SACS: variants seen among roughly 807,000 people sequenced by gnomAD.
The protein encoded by SACS is sacsin.
Under a neutral mutation model 348.0 loss-of-function variants are expected in SACS, and 197 were observed. The ratio of observed to expected loss-of-function variants is 0.57; its 90% confidence interval spans 0.50 to 0.64. SACS has a LOEUF of 0.64. SACS is among the 30% of genes least tolerant of loss of function. The probability of loss-of-function intolerance (pLI) is 0.00; values close to 1 mark genes in which losing one functional copy is unlikely to be tolerated. For synonymous variants in SACS, 1,985 were observed against 1,910.6 expected, an observed-to-expected ratio of 1.04 and a Z score of -1.02; for missense variants, 4,999 against 5,360.8, an observed-to-expected ratio of 0.93 and a Z score of 2.11.
In SACS at chr13:23,338,279, T is replaced by G; in HGVS notation, c.5597A>C (p.His1866Pro). The G allele has an allele frequency of 6.2e-7, 1 of 1,614,160 alleles. No individual in the cohort carries two copies. The highest frequency in any genetic ancestry group is 8.5e-7 in the Non-Finnish European group (1 of 1,180,004). Residue 1866 changes from histidine to proline, a missense_variant, in exon 10 of 10, where the codon CAC (histidine) becomes CCC (proline). Around this residue, in one of 6 missense-constraint regions of SACS, gnomAD observed 3,156 missense variants for 3,380.1 expected, o/e 0.93. Transcript: ENST00000382292. ...TAAATAGCAAAACACCTCTCCAATG[T>G]GTGGTTTCACTGTCCACTTCTGGTC... ...IQDQKWTVKP[H>P]IGEVFCYLPL...
chr13:23,407,511 T>C lies in SACS; in HGVS notation c.20+3709A>G, dbSNP rs1297286715. Among the ~76,000 whole-genome samples, 6 of 152,128 alleles carry C rather than the reference T, an allele frequency of 3.9e-5. No homozygotes were observed. In the South Asian group the frequency reaches 1.2e-3, roughly 32 times the overall value. ...ACCACGCCCGGCCTGTTTTTCTTTT[T>C]GTTTTTCATAAATGTCTGACTTATT... On this transcript the variant is annotated intron_variant, in intron 2 of 9. Transcript: ENST00000382292.
intron 2 of SACS, among the ~76,000 whole-genome samples, chr13:23,403,700 G>A (rs539146889): frequency 6.6e-6 from 1 of 152,196 alleles, no homozygotes; most frequent in South Asian, 2.1e-4. Flanking sequence ...AACAGGTCCT[G>A]GATTCCTTGA....
intron 2 of SACS, among the ~76,000 whole-genome samples, chr13:23,393,304 A>G (rs1349404832): frequency 6.6e-6 from 1 of 152,144 alleles, no homozygotes; most frequent in Non-Finnish European, 1.5e-5. Context: ...GTAAATATTC[A>G]CTGACTTTAT....
At chr13:23,352,775 AG>A (rs1382053301) in intron 9 of SACS, among the ~76,000 whole-genome samples, 1 of 152,238 alleles carries the variant, frequency 6.6e-6, no homozygotes, top group African/African-American at 2.4e-5. Context: ...TTGAAAAGTC[AG>A]TCTCACAGCT....
intron 2 of SACS, among the ~76,000 whole-genome samples, chr13:23,405,220 C>G (rs935508581): frequency 6.6e-6 from 1 of 152,080 alleles, no homozygotes; most frequent in African/African-American, 2.4e-5. Context: ...GATATATAAA[C>G]CAGTGGAACA....
At position 23,340,734 on chromosome 13, in the gene SACS, C is replaced by T. The variant is rs767476699; in HGVS notation, c.3142G>A (p.Val1048Ile). Reference sequence around the variant, plus strand: ...GGGTCAAAGAGTTCACCAGCTGATACCATCTGTTCCTGTGATATCTGGATG... The same window carrying T: ...GGGTCAAAGAGTTCACCAGCTGATATCATCTGTTCCTGTGATATCTGGATG... ...KFIQISQEQM[V>I]SAGELFDPDI... is the part of the protein sequence containing the mutation. The change falls in exon 10 of 10, where the codon GTA (valine) becomes ATA (isoleucine). Residue 1048 changes from valine (V) to isoleucine (I), a missense_variant. Transcript: ENST00000382292. The T allele has an allele frequency of 1.5e-5, 24 of 1,600,832 alleles. No homozygotes were observed. The highest frequency in any genetic ancestry group is 1.9e-5 in the Non-Finnish European group (22 of 1,174,782).
rs780904104 is a variant in SACS at position 23,332,221 on chromosome 13, G to A, written c.11655C>T (p.Phe3885=). The change falls in exon 10 of 10, where the codon TTC becomes TTT. Residue 3885 remains phenylalanine, a synonymous_variant. Coordinates refer to ENST00000382292, the MANE Select transcript of SACS (RefSeq NM_014363.6). ...TGACTGAATCATTCTGTAGACTCCT[G>A]AACAGACCAGAAACTACTCTCTTAA... is the stretch of plus-strand genomic sequence containing the variant. The part of the protein sequence containing the change: ...RTVKRVVSGL[F]RSLQNDSVKV... 14 of 1,613,808 alleles carry A rather than the reference G, an allele frequency of 8.7e-6. No individual in the cohort carries two copies. The African/African-American group carries it at 1.9e-4, about 22-fold the overall frequency.
At chr13:23,406,448 C>T (rs2137945706) in intron 2 of SACS, among the ~76,000 whole-genome samples, 1 of 152,162 alleles carries the variant, frequency 6.6e-6, no homozygotes, top group Admixed American at 6.5e-5. Flanking sequence ...TTGATGGGTG[C>T]AGCAAACCAC....
rs112775941 is a variant in SACS at position 23,404,601 on chromosome 13, G to T, written c.20+6619C>A. Among the ~76,000 whole-genome samples the T allele has an allele frequency of 1.6e-3, 248 of 152,140 alleles. 2 individuals are homozygous for T. The highest frequency in any genetic ancestry group is 5.8e-3 in the African/African-American group (239 of 41,492). ...AATCAGGCAAGAGAAAGAAATAAAG[G>T]GTATTCAAATAGGAAGATAGGAAGT... On this transcript the variant is annotated intron_variant, in intron 2 of 9. Coordinates refer to ENST00000382292, the MANE Select transcript of SACS (RefSeq NM_014363.6).
intron 2 of SACS, 134 bp from the exon 3 acceptor site, chr13:23,375,403 G>A (rs912445915): frequency 2.0e-5 from 25 of 1,232,674 alleles, no homozygotes; most frequent in Non-Finnish European, 2.5e-5. Flanking sequence ...CCCTGACGCC[G>A]GCGCCCGATC....
chr13:23,378,365 G>C (rs781611813), intron 2 of SACS, among the ~76,000 whole-genome samples: 1 of 152,172 alleles, frequency 6.6e-6, no homozygotes, highest in Non-Finnish European at 1.5e-5. Flanking sequence ...GGATAGTGGA[G>C]GGACACATCT....
intron 2 of SACS, among the ~76,000 whole-genome samples, chr13:23,391,856 C>A (rs1593169595): frequency 1.1e-5 from 1 of 91,858 alleles, no homozygotes; most frequent in African/African-American, 3.9e-5. Context: ...CTGCAAAGTG[C>A]CCATCAGTGT....
chr13:23,418,692 G>T (rs371094645), intron 1 of SACS, among the ~76,000 whole-genome samples: 2 of 152,162 alleles, frequency 1.3e-5, no homozygotes, highest in African/African-American at 4.8e-5. Flanking sequence ...TTTTAGTAGA[G>T]AGGGGATTCA....
Position 23,336,081 on chromosome 13 carries a change from C to A in SACS, c.7795G>T (p.Asp2599Tyr), listed in dbSNP as rs1868563918. The change falls in exon 10 of 10, where the codon GAT (aspartate) becomes TAT (tyrosine). Residue 2599 changes from aspartate to tyrosine, a missense_variant. Asp to Tyr is a radical substitution (Grantham distance 160). Coordinates refer to ENST00000382292, the MANE Select transcript of SACS (RefSeq NM_014363.6). ...AGATTCTGAATTCCTCTAACATCAT[C>A]TTCTGTAAATGGCTGGTTGTTGTAC... Reference protein sequence around the residue: ...CVYNNQPFTEDDVRGIQNLGK... With the variant: ...CVYNNQPFTEYDVRGIQNLGK... 2 of 1,611,626 alleles carry A rather than the reference C, an allele frequency of 1.2e-6. No individual in the cohort carries two copies. Among genetic ancestry groups the A allele is most frequent in the East Asian group, 2.2e-5 (1 of 44,822 alleles).
chr13:23,379,804 A>G (rs1408915903), intron 2 of SACS, among the ~76,000 whole-genome samples: 3 of 151,982 alleles, frequency 2.0e-5, no homozygotes, highest in African/African-American at 7.2e-5. Context: ...AAGGAAACCT[A>G]TCTAAGACAT....
chr13:23,329,996 A>T lies in SACS; in HGVS notation c.*140T>A, dbSNP rs754556667. 3.8e-6 allele frequency: 3 copies of T among 794,332 alleles called. No homozygotes were observed. The highest frequency in any genetic ancestry group is 4.7e-5 in the Admixed American group (2 of 42,972). 49.2% of individuals were successfully genotyped at this position (794,332 alleles called of 1,614,324 possible). A position where few individuals can be genotyped will look rare whatever the true frequency, so the allele number is the denominator to read the frequency against. On this transcript the variant is annotated 3_prime_UTR_variant, in exon 10 of 10. Transcript: ENST00000382292. The stretch of plus-strand genomic sequence containing the variant: ...GTTTTCCGTTGGTATTCATGTTCAT[A>T]ACAACTCCAGAATTCTCCAAGAACA...
intron 1 of SACS, among the ~76,000 whole-genome samples, chr13:23,424,642 A>G (rs1874094348): frequency 6.6e-6 from 1 of 152,160 alleles, no homozygotes; most frequent in Non-Finnish European, 1.5e-5. Flanking sequence ...TGTTTTATAT[A>G]AATGAATGGA....
intron 2 of SACS, among the ~76,000 whole-genome samples, chr13:23,408,732 G>A (rs191118922): frequency 2.2e-4 from 33 of 152,180 alleles, no homozygotes; most frequent in African/African-American, 7.5e-4. Flanking sequence ...TCGGGAGGCC[G>A]AGGCGGGTGG....
Position 23,338,271 on chromosome 13 carries a change from C to T in SACS, c.5605G>A (p.Glu1869Lys). ...QKWTVKPHIG[E>K]VFCYLPLRIK... ...CGTAAAGGTAAATAGCAAAACACCT[C>T]TCCAATGTGTGGTTTCACTGTCCAC... Residue 1869 changes from glutamate (E) to lysine (K), a missense_variant, in exon 10 of 10, where the codon GAG becomes AAG. By Grantham distance (56) the Glu-to-Lys change is moderately conservative (BLOSUM62 1). Transcript: ENST00000382292. 1 of 1,614,130 alleles carries T rather than the reference C, an allele frequency of 6.2e-7. No individual in the cohort carries two copies. Among genetic ancestry groups the T allele is most frequent in the Non-Finnish European group, 8.5e-7 (1 of 1,180,012 alleles).
Sources: allele counts gnomAD v4.1 joint callset (sites outside exome capture counted in the v4.1 genomes callset), GRCh38; gene constraint gnomAD v4.1.1; regional missense constraint gnomAD v4.1.1; transcripts MANE v1.5; gene names NCBI Gene and HGNC (gene_info 2026-07-23, HGNC 2026-07-21).